The following ITGA9 variants were observed in gnomAD, a reference collection of about 807,000 sequenced individuals.
The protein encoded by ITGA9 is integrin subunit alpha 9.
A neutral mutation model predicts 127.8 loss-of-function variants in ITGA9; 56 were observed. The ratio of observed to expected loss-of-function variants is 0.44; its 90% CI spans 0.35 to 0.55. ITGA9 has a LOEUF of 0.55. Among genes scored for constraint, ITGA9 ranks in the 20% least tolerant of loss-of-function variants. ITGA9 has a pLI of 0.00. For synonymous variants in ITGA9, 508 were observed against 514.5 expected (o/e 0.99, Z 0.17); for missense variants, 1,196 against 1,347.1 (o/e 0.89, Z 1.76).
intron 23 of ITGA9, chr3:37,754,006 C>CT (rs1167490358): frequency 6.6e-6 from 1 of 152,156 alleles, no homozygotes; most frequent in African/African-American, 2.4e-5. Flanking sequence ...TTAGAGATTT[C>CT]TTTTTGAAGT....
At chr3:37,502,564 C>T (rs919498662) in intron 5 of ITGA9, among the ~76,000 whole-genome samples, 21 of 152,172 alleles carry the variant, frequency 1.4e-4, no homozygotes, top group Non-Finnish European at 2.6e-4. Flanking sequence ...TTGTGGTCCC[C>T]TCTTCCAGTT....
At chr3:37,525,820 GGCCCC>G (rs1699086948) in intron 12 of ITGA9, among the ~76,000 whole-genome samples, 3 of 152,188 alleles carry the variant, frequency 2.0e-5, no homozygotes, top group Admixed American at 2.0e-4. Flanking sequence ...CACATTTCAA[GGCCCC>G]AGTAGCCTGC....
chr3:37,622,969 G>A (rs1239057206), intron 15 of ITGA9, among the ~76,000 whole-genome samples: 1 of 152,022 alleles, frequency 6.6e-6, no homozygotes, highest in Non-Finnish European at 1.5e-5. Context: ...ACCTTGCACT[G>A]TGTCCTGTAT....
chr3:37,556,254 G>C (rs1699429912), intron 15 of ITGA9, among the ~76,000 whole-genome samples: 1 of 152,210 alleles, frequency 6.6e-6, no homozygotes, highest in South Asian at 2.1e-4. Context: ...GCAGAATACT[G>C]ACTTCTTAGT....
At chr3:37,641,320 A>G (rs927205794) in intron 16 of ITGA9, among the ~76,000 whole-genome samples, 5 of 152,142 alleles carry the variant, frequency 3.3e-5, no homozygotes, top group Admixed American at 2.6e-4. Context: ...CGTTCATGGA[A>G]AAATTATCTT....
At chr3:37,647,921 C>T (rs1274253835) in intron 16 of ITGA9, among the ~76,000 whole-genome samples, 2 of 152,064 alleles carry the variant, frequency 1.3e-5, no homozygotes, top group Non-Finnish European at 2.9e-5. Flanking sequence ...TATCCATTCA[C>T]CTGTTGACAA....
chr3:37,755,439 A>C (rs933782106), intron 23 of ITGA9, among the ~76,000 whole-genome samples: 4 of 152,174 alleles, frequency 2.6e-5, no homozygotes, highest in African/African-American at 9.7e-5. Flanking sequence ...AACCGCAATC[A>C]AAAGAACTAA....
At chr3:37,794,511 C>T (rs539038729) in intron 26 of ITGA9, among the ~76,000 whole-genome samples, 43 of 152,316 alleles carry the variant, frequency 2.8e-4, no homozygotes, top group African/African-American at 9.9e-4. Flanking sequence ...CCATTGTGTC[C>T]TGGTCCTTAA....
chr3:37,552,580 G>A (rs187201427), intron 15 of ITGA9, among the ~76,000 whole-genome samples: 23 of 152,208 alleles, frequency 1.5e-4, no homozygotes, highest in South Asian at 4.2e-4. Flanking sequence ...GTGGGTAGGC[G>A]TAAAAAATTA....
At chr3:37,606,343 C>G (rs568916576) in intron 15 of ITGA9, among the ~76,000 whole-genome samples, 124 of 152,282 alleles carry the variant, frequency 8.1e-4, no homozygotes, top group Middle Eastern at 3.4e-3. Flanking sequence ...TGGAAACGTT[C>G]TGTGTGTGCC....
At chr3:37,573,641 A>G (rs1336557516) in intron 15 of ITGA9, among the ~76,000 whole-genome samples, 1 of 152,192 alleles carries the variant, frequency 6.6e-6, no homozygotes, top group African/African-American at 2.4e-5. Context: ...AGAGCATGGC[A>G]ACCTGATTCC....
chr3:37,659,035 C>G (rs114307445), intron 17 of ITGA9, among the ~76,000 whole-genome samples: 28 of 152,230 alleles, frequency 1.8e-4, no homozygotes, highest in African/African-American at 6.5e-4. Flanking sequence ...AGGGTTTCTG[C>G]GGAAAGATTC....
At chr3:37,579,108 T>G (rs1699679580) in intron 15 of ITGA9, among the ~76,000 whole-genome samples, 1 of 152,140 alleles carries the variant, frequency 6.6e-6, no homozygotes, top group South Asian at 2.1e-4. Context: ...GCAGTGTGCA[T>G]AGTCCCAGGG....
chr3:37,796,013 C>CCT (rs1456056664), intron 26 of ITGA9, among the ~76,000 whole-genome samples: 1 of 152,164 alleles, frequency 6.6e-6, no homozygotes, highest in Non-Finnish European at 1.5e-5. Flanking sequence ...CTTACTGCAG[C>CCT]CTCCAGCTCC....
At chr3:37,497,369 A>T (rs565504943) in intron 5 of ITGA9, among the ~76,000 whole-genome samples, 18 of 151,702 alleles carry the variant, frequency 1.2e-4, no homozygotes, top group South Asian at 1.0e-3. Context: ...CTTATCTCTT[A>T]AGAAGGTTAT....
At chr3:37,592,337 G>T (rs1047456417) in intron 15 of ITGA9, among the ~76,000 whole-genome samples, 2 of 152,054 alleles carry the variant, frequency 1.3e-5, no homozygotes, top group African/African-American at 4.8e-5. Context: ...CTTCCTCCAC[G>T]TGGTGATTCT....
chr3:37,744,184 G>C (rs2125534576), intron 22 of ITGA9, 150 bp downstream of exon 22: 1 of 704,368 alleles, frequency 1.4e-6, no homozygotes, highest in East Asian at 2.6e-5. Context: ...ACCACACACA[G>C]AATGAATCCT....
At chr3:37,650,286 C>G (rs568572361) in intron 16 of ITGA9, among the ~76,000 whole-genome samples, 8 of 152,260 alleles carry the variant, frequency 5.3e-5, no homozygotes, top group Non-Finnish European at 1.2e-4. Context: ...TAGACCCCAC[C>G]TCTCTATGGG....
intron 15 of ITGA9, among the ~76,000 whole-genome samples, chr3:37,618,041 A>C (rs552655868): frequency 2.3e-4 from 35 of 152,272 alleles, no homozygotes; most frequent in Admixed American, 1.9e-3. Context: ...AGGCACTCTC[A>C]TTTTTAGAGT....
Sources: gnomAD v4.1 joint callset for allele counts (sites outside exome capture counted in the v4.1 genomes callset) on GRCh38, gnomAD v4.1.1 for gene constraint, MANE v1.5 for transcripts, NCBI Gene and HGNC (gene_info 2026-07-23, HGNC 2026-07-21) for gene names.